The following ARFGEF3 variants were observed in gnomAD, a reference collection of about 807,000 sequenced individuals.
ARFGEF3 encodes the protein ARFGEF family member 3, also known as brefeldin A-inhibited guanine nucleotide-exchange protein 3.
ARFGEF3 carries 96 observed loss-of-function variants against 221.7 expected under a neutral mutation model. The ratio of observed to expected loss-of-function variants is 0.43; its 90% CI spans 0.37 to 0.51. ARFGEF3 has a LOEUF of 0.51. Ranked by LOEUF, ARFGEF3 falls within the 20% of genes least tolerant of loss-of-function variation. The pLI, the probability that ARFGEF3 is intolerant of heterozygous loss-of-function variation, is 0.00. For synonymous variants in ARFGEF3, 1,145 were observed against 1,126.8 expected, an observed-to-expected ratio of 1.02 and a Z score of -0.32; for missense variants, 2,410 against 2,789.9, an observed-to-expected ratio of 0.86 and a Z score of 3.07.
chr6:138,318,157 T>A (rs115381766), intron 27 of ARFGEF3, among the ~76,000 whole-genome samples: 4,498 of 152,190 alleles, frequency 0.03, 219 homozygotes, highest in African/African-American at 0.1. Flanking sequence ...TATTATTTTT[T>A]AAAAAACACC....
rs184304339 is a variant in ARFGEF3, at chr6:138,294,078, C to T, written c.3454C>T (p.Leu1152Phe). ...GCTGAAGAAAGCATCGCAGTCTCAG[C>T]TTTTCCATTCTGTTACAGATACAGT... is the stretch of plus-strand genomic sequence containing the variant. Reference protein sequence around the residue: ...YQLKKASQSQLFHSVTDTVDY... With the variant: ...YQLKKASQSQFFHSVTDTVDY... The change falls in exon 20 of 34, where the codon CTT (leucine) becomes TTT (phenylalanine). Residue 1152 changes from leucine (L) to phenylalanine (F), a missense_variant. By Grantham distance (22) the Leu-to-Phe change is conservative. Transcript: ENST00000251691. 6.2e-7 allele frequency: 1 copy of T among 1,613,972 alleles called. No individual in the cohort carries two copies. Among genetic ancestry groups the T allele is most frequent in the African/African-American group, 1.3e-5 (1 of 75,042 alleles).
chr6:138,263,376 G>A lies in ARFGEF3; in HGVS notation c.1893G>A (p.Gly631=). ...GCAGGTCCGACGTGTCAGACATTGG[G>A]TCGGACAACTGTTCACTAGCCGATG... ...DSGRSDVSDI[G]SDNCSLADEE... is the part of the protein sequence containing the mutation. Residue 631 remains glycine, a synonymous_variant, in exon 12 of 34, where the codon GGG becomes GGA. Transcript: ENST00000251691. 6.2e-7 allele frequency: 1 copy of A among 1,614,042 alleles called. No homozygotes were observed. Among genetic ancestry groups the A allele is most frequent in the Non-Finnish European group, 8.5e-7 (1 of 1,179,902 alleles).
rs1364366325 is a variant in ARFGEF3, at chr6:138,174,962, A to G, written c.137+4249A>G. Among the ~76,000 whole-genome samples the G allele has an allele frequency of 2.0e-5, 3 of 152,194 alleles. No homozygotes were observed. In the East Asian group the frequency reaches 5.8e-4, roughly 29 times the overall value. Reference sequence around the variant, plus strand: ...ATGTTGTATTATTTTTCCTTTTGCCATTGATTGCTCTAAGGACTTTTGAAT... The same window carrying G: ...ATGTTGTATTATTTTTCCTTTTGCCGTTGATTGCTCTAAGGACTTTTGAAT... On this transcript the variant is annotated intron_variant, in intron 2 of 33. Coordinates refer to ENST00000251691, the MANE Select transcript of ARFGEF3 (RefSeq NM_020340.5).
At chr6:138,278,160 A>C (rs567542991) in intron 12 of ARFGEF3, among the ~76,000 whole-genome samples, 1 of 152,190 alleles carries the variant, frequency 6.6e-6, no homozygotes, top group East Asian at 1.9e-4. Context: ...TCTTCTTATT[A>C]TAGGAAAAGA....
At chr6:138,310,533 G>GA (rs1377284637) in intron 24 of ARFGEF3, among the ~76,000 whole-genome samples, 1 of 152,058 alleles carries the variant, frequency 6.6e-6, no homozygotes, top group African/African-American at 2.4e-5. Context: ...ACCCTTGCTC[G>GA]AAAACCTAAG....
chr6:138,254,185 G>A (rs974041425), intron 9 of ARFGEF3, among the ~76,000 whole-genome samples: 2 of 152,124 alleles, frequency 1.3e-5, no homozygotes, highest in African/African-American at 2.4e-5. Flanking sequence ...GGGAGGCCGA[G>A]GCAGGCATAT....
chr6:138,321,773 G>C (rs185085497), intron 29 of ARFGEF3, among the ~76,000 whole-genome samples: 3 of 152,292 alleles, frequency 2.0e-5, no homozygotes, highest in Admixed American at 6.5e-5. Context: ...AGAGATAGCT[G>C]TACTCCCATG....
chr6:138,316,261 T>TTGTAATATG, intron 26 of ARFGEF3, among the ~76,000 whole-genome samples: 1 of 152,152 alleles, frequency 6.6e-6, no homozygotes, highest in African/African-American at 2.4e-5. Flanking sequence ...ACATAGTAAA[T>TTGTAATATG]CAGAACAAAA....
At chr6:138,194,785 C>G (rs1777378598) in intron 2 of ARFGEF3, among the ~76,000 whole-genome samples, 1 of 151,834 alleles carries the variant, frequency 6.6e-6, no homozygotes. Flanking sequence ...AGAAGCTATT[C>G]CAGGAATATT....
At chr6:138,299,264 A>AT (rs1412139534) in intron 22 of ARFGEF3, among the ~76,000 whole-genome samples, 20 of 149,066 alleles carry the variant, frequency 1.3e-4, no homozygotes, top group African/African-American at 3.7e-4. Context: ...ATAATCAGTG[A>AT]TTGGTGGAGC....
chr6:138,262,242 T>G (rs1041567640), intron 11 of ARFGEF3, among the ~76,000 whole-genome samples: 1 of 145,910 alleles, frequency 6.9e-6, no homozygotes, highest in Admixed American at 7.2e-5. Flanking sequence ...CAGGCTGGAG[T>G]GCAGTGGCAC....
Position 138,209,949 on chromosome 6 carries a change from G to T in ARFGEF3, c.259G>T (p.Asp87Tyr), listed in dbSNP as rs1186296671. 1 of 1,613,798 alleles carries T rather than the reference G, an allele frequency of 6.2e-7. No individual in the cohort carries two copies. The highest frequency in any genetic ancestry group is 2.2e-5 in the East Asian group (1 of 44,892). The change falls in exon 4 of 34, where the codon GAT becomes TAT. Residue 87 changes from aspartate (D) to tyrosine (Y), a missense_variant. By Grantham distance (160) the Asp-to-Tyr change is radical. This residue lies in a region of ARFGEF3 where 570 missense variants were observed against 586.9 expected (regional missense o/e 0.97). Coordinates refer to ENST00000251691, the MANE Select transcript of ARFGEF3 (RefSeq NM_020340.5). Reference protein sequence around the residue: ...SEERFVSMETDSDEKQLLNQI... With the variant: ...SEERFVSMETYSDEKQLLNQI... ...AGAGAGGTTTGTATCCATGGAAACAGATTCTGATGAGAAGCAGCTGCTCAA... is the reference window on the plus strand; with the variant it reads ...AGAGAGGTTTGTATCCATGGAAACATATTCTGATGAGAAGCAGCTGCTCAA...
intron 2 of ARFGEF3, among the ~76,000 whole-genome samples, chr6:138,172,754 GA>G (rs773163212): frequency 1.3e-5 from 2 of 152,116 alleles, no homozygotes; most frequent in Non-Finnish European, 2.9e-5. Flanking sequence ...TATAGCAACA[GA>G]AAATACTTCT....
At position 138,278,595 on chromosome 6, in the gene ARFGEF3, C is replaced by A. The variant is rs754312669; in HGVS notation, c.2273C>A (p.Pro758Gln). 1.2e-6 allele frequency: 2 copies of A among 1,613,898 alleles called. No individual in the cohort carries two copies. Among genetic ancestry groups the A allele is most frequent in the South Asian group, 1.1e-5 (1 of 91,068 alleles). ...CACGGTGACTACTACAGGAAGCGGC[C>A]GACCCTGGCGCCAGGCGTGATGGTG... ...LSHGDYYRKR[P>Q]TLAPGVMKDF... The change falls in exon 13 of 34, where the codon CCG becomes CAG. Residue 758 changes from proline to glutamine, a missense_variant. Transcript: ENST00000251691.
chr6:138,168,463 G>A (rs1368876982), intron 1 of ARFGEF3, among the ~76,000 whole-genome samples: 1 of 152,206 alleles, frequency 6.6e-6, no homozygotes, highest in Non-Finnish European at 1.5e-5. Flanking sequence ...TCCTTGTTGG[G>A]CTCTCTAAGG....
chr6:138,219,043 T>C (rs2114514941), intron 4 of ARFGEF3, among the ~76,000 whole-genome samples: 1 of 152,310 alleles, frequency 6.6e-6, no homozygotes, highest in South Asian at 2.1e-4. Flanking sequence ...CAAGGGTTTA[T>C]AATTCAGTAG....
intron 4 of ARFGEF3, among the ~76,000 whole-genome samples, chr6:138,215,221 C>T (rs1777818333): frequency 6.6e-6 from 1 of 152,132 alleles, no homozygotes; most frequent in Non-Finnish European, 1.5e-5. Context: ...TTAACTGATA[C>T]AGCTGGCTGA....
intron 12 of ARFGEF3, among the ~76,000 whole-genome samples, chr6:138,269,818 G>GA (rs11378869): frequency 0.069 from 10,319 of 150,168 alleles, 1,117 homozygotes; most frequent in African/African-American, 0.24. Flanking sequence ...AAAAAAAGAA[G>GA]AAAAAAAAAG....
At chr6:138,312,767 T>A (rs1204790601) in intron 25 of ARFGEF3, among the ~76,000 whole-genome samples, 1 of 152,216 alleles carries the variant, frequency 6.6e-6, no homozygotes, top group Admixed American at 6.5e-5. Flanking sequence ...TGGTGTGCAG[T>A]GGCATGATCT....
Sources: allele counts gnomAD v4.1 joint callset (sites outside exome capture counted in the v4.1 genomes callset), GRCh38; gene constraint gnomAD v4.1.1; regional missense constraint gnomAD v4.1.1; transcripts MANE v1.5; gene names NCBI Gene and HGNC (gene_info 2026-07-23, HGNC 2026-07-21).